NBEA: variants seen among roughly 807,000 people sequenced by gnomAD.
NBEA encodes the protein lysosomal-trafficking regulator 2.
Under a neutral mutation model 343.4 loss-of-function variants are expected in NBEA, and 44 were observed. The ratio of observed to expected loss-of-function variants is 0.13; its 90% CI spans 0.10 to 0.16. The LOEUF (loss-of-function observed/expected upper bound fraction) is 0.16. NBEA is among the 10% of genes least tolerant of loss of function. The pLI, the probability that NBEA is intolerant of heterozygous loss-of-function variation, is 1.00. For synonymous variants in NBEA, 1,175 were observed against 1,238.7 expected, an observed-to-expected ratio of 0.95 and a Z score of 1.08; for missense variants, 2,555 against 3,631.3, an observed-to-expected ratio of 0.70 and a Z score of 7.62.
intron 36 of NBEA, among the ~76,000 whole-genome samples, chr13:35,337,163 A>G (rs1443843830): frequency 6.6e-6 from 1 of 152,168 alleles, no homozygotes; most frequent in East Asian, 1.9e-4. Context: ...CTTATCGATA[A>G]ATCAGTAATT....
At chr13:35,475,402 C>T in intron 41 of NBEA, 3 of 1,613,800 alleles carry the variant, frequency 1.9e-6, no homozygotes, top group Non-Finnish European at 2.5e-6. Flanking sequence ...CTTCTTTCTG[C>T]AGCCCCCCAT....
chr13:35,361,584 C>A (rs1784782929), intron 38 of NBEA, among the ~76,000 whole-genome samples: 2 of 152,112 alleles, frequency 1.3e-5, no homozygotes, highest in Admixed American at 1.3e-4. Context: ...CACCATAAAA[C>A]TTCTAGGAGA....
chr13:34,985,777 T>C (rs2060522636), intron 1 of NBEA, among the ~76,000 whole-genome samples: 1 of 150,944 alleles, frequency 6.6e-6, no homozygotes, highest in Non-Finnish European at 1.5e-5. Context: ...GGGTGTATTG[T>C]TCAGGAATTT....
chr13:35,020,056 A>C (rs1006409603), intron 1 of NBEA, among the ~76,000 whole-genome samples: 3 of 151,878 alleles, frequency 2.0e-5, no homozygotes, highest in African/African-American at 7.3e-5. Context: ...ACTTATTTTG[A>C]GTATAACATG....
At chr13:34,993,132 T>C (rs947248297) in intron 1 of NBEA, among the ~76,000 whole-genome samples, 1 of 152,232 alleles carries the variant, frequency 6.6e-6, no homozygotes, top group African/African-American at 2.4e-5. Flanking sequence ...CGTATCTTAT[T>C]AGAGCTTATT....
At chr13:35,566,814 T>C in intron 44 of NBEA, 91 bp from the exon 45 acceptor site, 3 of 683,664 alleles carry the variant, frequency 4.4e-6, no homozygotes, top group Non-Finnish European at 7.7e-6. Context: ...AGTTATTTTC[T>C]TCTGAAATTC....
At chr13:35,145,948 CCT>C (rs1566360490) in intron 18 of NBEA, among the ~76,000 whole-genome samples, 1 of 152,140 alleles carries the variant, frequency 6.6e-6, no homozygotes, top group African/African-American at 2.4e-5. Flanking sequence ...AGGTTAGAGT[CCT>C]CACCTGGCTT....
intron 4 of NBEA, among the ~76,000 whole-genome samples, chr13:35,045,852 C>T (rs1388922552): frequency 1.3e-5 from 2 of 152,074 alleles, no homozygotes; most frequent in South Asian, 4.2e-4. Flanking sequence ...CTCAGCCTCC[C>T]AAGTAGCTGG....
chr13:35,081,464 T>G (rs892580434), intron 10 of NBEA, among the ~76,000 whole-genome samples: 1 of 151,976 alleles, frequency 6.6e-6, no homozygotes, highest in Admixed American at 6.6e-5. Context: ...TTTTTTGAAC[T>G]TTTTTTCATA....
intron 17 of NBEA, among the ~76,000 whole-genome samples, chr13:35,132,681 A>G (rs2067492154): frequency 6.6e-6 from 1 of 152,210 alleles, no homozygotes; most frequent in African/African-American, 2.4e-5. Context: ...TTCTGTTTAT[A>G]TGAAATGTCC....
chr13:35,480,438 A>C (rs1235145167), intron 41 of NBEA, among the ~76,000 whole-genome samples: 1 of 152,136 alleles, frequency 6.6e-6, no homozygotes, highest in Non-Finnish European at 1.5e-5. Flanking sequence ...GTATCTGTTA[A>C]AGGATATGCA....
intron 45 of NBEA, among the ~76,000 whole-genome samples, chr13:35,580,076 GTTT>G (rs1334191792): frequency 6.6e-6 from 1 of 151,966 alleles, no homozygotes; most frequent in Non-Finnish European, 1.5e-5. Flanking sequence ...CTTTTTAGCA[GTTT>G]TAAAAACTGA....
intron 36 of NBEA, among the ~76,000 whole-genome samples, chr13:35,348,231 G>C (rs2039994065): frequency 6.6e-6 from 1 of 152,152 alleles, no homozygotes; most frequent in South Asian, 2.1e-4. Flanking sequence ...CATGTGAAAA[G>C]ATGTCCAAGA....
intron 1 of NBEA, among the ~76,000 whole-genome samples, chr13:34,963,262 C>G (rs560167978): frequency 1.3e-5 from 2 of 152,106 alleles, no homozygotes; most frequent in Non-Finnish European, 2.9e-5. Context: ...TTCTCCTTGG[C>G]TTGCAGATGG....
chr13:35,456,008 A>C (rs1041921240), intron 40 of NBEA, among the ~76,000 whole-genome samples: 5 of 152,054 alleles, frequency 3.3e-5, no homozygotes, highest in Non-Finnish European at 5.9e-5. Context: ...CACTGGTTCC[A>C]TTACATTAGA....
intron 33 of NBEA, among the ~76,000 whole-genome samples, chr13:35,221,939 T>A (rs1476079877): frequency 2.0e-5 from 3 of 152,172 alleles, no homozygotes; most frequent in Non-Finnish European, 4.4e-5. Context: ...TTCTTCAGGA[T>A]CATGGTCAAA....
chr13:34,948,295 A>G (rs2059249534), intron 1 of NBEA, among the ~76,000 whole-genome samples: 1 of 152,116 alleles, frequency 6.6e-6, no homozygotes, highest in African/African-American at 2.4e-5. Context: ...AATTGTGGTG[A>G]TTGGTTCAGG....
At chr13:35,298,834 TTTGAA>T (rs1432792488) in intron 35 of NBEA, among the ~76,000 whole-genome samples, 2 of 152,026 alleles carry the variant, frequency 1.3e-5, no homozygotes, top group African/African-American at 4.8e-5. Context: ...TAATCTTCTC[TTTGAA>T]TTGATCATTC....
At chr13:35,498,298 G>A (rs2076759846) in intron 41 of NBEA, among the ~76,000 whole-genome samples, 1 of 151,876 alleles carries the variant, frequency 6.6e-6, no homozygotes, top group Middle Eastern at 3.2e-3. Flanking sequence ...TATCTTTCAT[G>A]AGCTATGGCA....
Sources: gnomAD v4.1 joint callset for allele counts (sites outside exome capture counted in the v4.1 genomes callset) on GRCh38, gnomAD v4.1.1 for gene constraint, MANE v1.5 for transcripts, NCBI Gene and HGNC (gene_info 2026-07-23, HGNC 2026-07-21) for gene names.